PHF20: variants seen among roughly 807,000 people sequenced by gnomAD.
PHF20 encodes the protein PHD finger protein 20.
PHF20 carries 23 observed loss-of-function variants against 113.5 expected under a neutral mutation model. That is an observed-to-expected ratio of 0.20 (90% confidence interval 0.15 to 0.29). PHF20 has a LOEUF of 0.29. Ranked by LOEUF, PHF20 falls within the 10% of genes least tolerant of loss-of-function variation. The pLI is 1.00. For missense variants in PHF20, 943 were observed against 1,219.6 expected (o/e 0.77, Z 3.38); for synonymous variants, 434 against 457.3 (o/e 0.95, Z 0.65).
chr20:35,793,734 A>G (rs1028051360), intron 1 of PHF20, among the ~76,000 whole-genome samples: 3 of 151,028 alleles, frequency 2.0e-5, no homozygotes, highest in Admixed American at 6.7e-5. Flanking sequence ...GCAGTGGCTC[A>G]TGCCTGTAAT....
Position 35,777,704 on chromosome 20 carries a change from G to T in PHF20, c.-33+5625G>T, listed in dbSNP as rs565939265. 3.3e-5 allele frequency among the ~76,000 whole-genome samples: 5 copies of T among 152,252 alleles called. No homozygotes were observed. The South Asian group carries it at 8.3e-4, about 25-fold the overall frequency. On this transcript the variant is annotated intron_variant, in intron 1 of 17. Transcript: ENST00000374012. ...TCAGGCATGGTGGTGCGTGCTTGTA[G>T]TCCCAGCTCCTTGGGAGGCTGACGA...
intron 2 of PHF20, among the ~76,000 whole-genome samples, chr20:35,839,014 A>T (rs1439646639): frequency 6.7e-6 from 1 of 149,830 alleles, no homozygotes; most frequent in Non-Finnish European, 1.5e-5. Context: ...AAAAAAAGTG[A>T]TTTCCGTGTA....
At chr20:35,875,524 G>A (rs1487533763) in intron 9 of PHF20, among the ~76,000 whole-genome samples, 2 of 152,068 alleles carry the variant, frequency 1.3e-5, no homozygotes, top group Non-Finnish European at 2.9e-5. Flanking sequence ...AGGGCTTGTC[G>A]GGGCAAGGGA....
Position 35,860,076 on chromosome 20 carries a change from G to A in PHF20, c.420+1695G>A, listed in dbSNP as rs532046338. ...TGGGATTACAGGCATGTGCCACTAC[G>A]CCTGGCTAATTTTTGTATTTTTAGT... On this transcript the variant is annotated intron_variant, in intron 5 of 17. Transcript: ENST00000374012. Among the ~76,000 whole-genome samples the A allele has an allele frequency of 1.8e-3, 281 of 152,066 alleles. 7 individuals are homozygous for A. Among genetic ancestry groups the A allele is most frequent in the Admixed American group, 0.018 (267 of 15,250 alleles).
At chr20:35,921,891 G>A (rs1456741037) in intron 13 of PHF20, among the ~76,000 whole-genome samples, 1 of 152,054 alleles carries the variant, frequency 6.6e-6, no homozygotes, top group Non-Finnish European at 1.5e-5. Flanking sequence ...TCTTCAGTGG[G>A]TGAGTAATGA....
At chr20:35,815,805 A>G (rs2042063738) in intron 2 of PHF20, among the ~76,000 whole-genome samples, 2 of 151,984 alleles carry the variant, frequency 1.3e-5, no homozygotes, top group South Asian at 4.1e-4. Flanking sequence ...AGGTAAGAGG[A>G]TCACCTGAGC....
At chr20:35,807,156 G>A (rs2041899330) in intron 2 of PHF20, among the ~76,000 whole-genome samples, 1 of 151,916 alleles carries the variant, frequency 6.6e-6, no homozygotes, top group African/African-American at 2.4e-5. Context: ...AGTGTTTTTG[G>A]AGTTTTGAAG....
At chr20:35,810,193 G>A (rs900392983) in intron 2 of PHF20, among the ~76,000 whole-genome samples, 3 of 152,130 alleles carry the variant, frequency 2.0e-5, no homozygotes, top group African/African-American at 7.2e-5. Context: ...GCCTCCCAAA[G>A]TGCTGGGATT....
intron 2 of PHF20, among the ~76,000 whole-genome samples, chr20:35,832,397 TAGTA>T (rs1255942757): frequency 2.0e-5 from 3 of 152,150 alleles, no homozygotes; most frequent in Admixed American, 2.0e-4. Flanking sequence ...GACTATACTG[TAGTA>T]AGTAAGAGAC....
At chr20:35,822,174 C>T (rs183670822) in intron 2 of PHF20, among the ~76,000 whole-genome samples, 70 of 152,118 alleles carry the variant, frequency 4.6e-4, no homozygotes, top group African/African-American at 1.4e-3. Flanking sequence ...GAGGCCAAGA[C>T]GGAAGATCGC....
At chr20:35,844,508 C>A in intron 3 of PHF20, among the ~76,000 whole-genome samples, 1 of 142,068 alleles carries the variant, frequency 7.0e-6, no homozygotes, top group African/African-American at 2.6e-5. Context: ...TATAAAATTC[C>A]CACCCTGAGA....
intron 2 of PHF20, among the ~76,000 whole-genome samples, chr20:35,811,961 G>T (rs1464219650): frequency 2.6e-5 from 4 of 151,028 alleles, no homozygotes; most frequent in Non-Finnish European, 5.9e-5. Flanking sequence ...TTTTAATAGA[G>T]ACGGGGTTTC....
intron 10 of PHF20, among the ~76,000 whole-genome samples, chr20:35,903,227 G>A (rs926773739): frequency 3.3e-5 from 5 of 151,614 alleles, no homozygotes; most frequent in Admixed American, 2.6e-4. Flanking sequence ...GTGAATTGGA[G>A]ATTTTTGTTT....
At chr20:35,788,975 C>G (rs1301242579) in intron 1 of PHF20, among the ~76,000 whole-genome samples, 1 of 152,162 alleles carries the variant, frequency 6.6e-6, no homozygotes, top group African/African-American at 2.4e-5. Context: ...TGGGAGAGAT[C>G]TGCTTAGATA....
chr20:35,781,105 G>A (rs542381169), intron 1 of PHF20, among the ~76,000 whole-genome samples: 3 of 150,664 alleles, frequency 2.0e-5, no homozygotes, highest in South Asian at 2.1e-4. Flanking sequence ...CACCCACCTC[G>A]GCCTAAAGTG....
chr20:35,870,105 C>CTAA (rs2054391498), intron 7 of PHF20, among the ~76,000 whole-genome samples: 5 of 151,152 alleles, frequency 3.3e-5, no homozygotes, highest in African/African-American at 1.2e-4. Flanking sequence ...GAGATTGAGA[C>CTAA]CATCTTGGCT....
At chr20:35,939,228 CATAGAT>C (rs2055930830) in intron 16 of PHF20, 120 bp downstream of exon 16, 5 of 1,208,036 alleles carry the variant, frequency 4.1e-6, no homozygotes, top group Non-Finnish European at 5.6e-6. Context: ...ATTTGCTTAC[CATAGAT>C]ATGTTTTGGT....
intron 2 of PHF20, among the ~76,000 whole-genome samples, chr20:35,825,512 G>T (rs2042244902): frequency 6.6e-6 from 1 of 152,146 alleles, no homozygotes; most frequent in Admixed American, 6.6e-5. Flanking sequence ...TCCTGCCTCG[G>T]CCTCCCAAAG....
At chr20:35,839,323 G>A (rs574578591) in intron 2 of PHF20, among the ~76,000 whole-genome samples, 4 of 150,308 alleles carry the variant, frequency 2.7e-5, no homozygotes, top group African/African-American at 7.4e-5. Flanking sequence ...CCCAGGAGGC[G>A]GAGCTTGCAG....
Sources: allele counts gnomAD v4.1 joint callset (sites outside exome capture counted in the v4.1 genomes callset), GRCh38; gene constraint gnomAD v4.1.1; transcripts MANE v1.5; gene names NCBI Gene and HGNC (gene_info 2026-07-23, HGNC 2026-07-21).